Variants in GPHN observed in about 807,000 individuals in gnomAD.
GPHN encodes gephyrin.
GPHN carries 17 observed loss-of-function variants against 95.5 expected under a neutral mutation model. The ratio of observed to expected loss-of-function variants is 0.18; its 90% CI spans 0.12 to 0.27. GPHN has a LOEUF of 0.27. Among genes scored for constraint, GPHN ranks in the 10% least tolerant of loss-of-function variants. The probability of loss-of-function intolerance (pLI) is 1.00; values close to 1 mark genes in which losing one functional copy is unlikely to be tolerated. For synonymous variants in GPHN, 320 were observed against 322.5 expected, an observed-to-expected ratio of 0.99 and a Z score of 0.08; for missense variants, 660 against 978.1, an observed-to-expected ratio of 0.67 and a Z score of 4.34.
chr14:66,938,743 T>G, intron 8 of GPHN, among the ~76,000 whole-genome samples: 1 of 152,200 alleles, frequency 6.6e-6, no homozygotes, highest in East Asian at 1.9e-4. Flanking sequence ...AGCATAATCT[T>G]CAGGTAAACA....
intron 10 of GPHN, among the ~76,000 whole-genome samples, chr14:67,055,513 A>G (rs1490985227): frequency 6.6e-6 from 1 of 152,244 alleles, no homozygotes; most frequent in Admixed American, 6.5e-5. Context: ...AAAGACCTAG[A>G]ACTAGATATA....
chr14:67,492,554 C>T, the GPHN span, among the ~76,000 whole-genome samples: 10 of 152,312 alleles, frequency 6.6e-5, no homozygotes, highest in African/African-American at 2.2e-4. Flanking sequence ...TACCCTGCCA[C>T]GCTGCACCTT....
At chr14:66,924,866 T>TG (rs2066403338) in intron 8 of GPHN, among the ~76,000 whole-genome samples, 1 of 151,872 alleles carries the variant, frequency 6.6e-6, no homozygotes, top group Non-Finnish European at 1.5e-5. Flanking sequence ...AATGATAGCT[T>TG]GCAAAAAAAT....
At chr14:66,730,537 A>AC (rs2071671037) in intron 2 of GPHN, among the ~76,000 whole-genome samples, 1 of 152,196 alleles carries the variant, frequency 6.6e-6, no homozygotes, top group Admixed American at 6.5e-5. Flanking sequence ...ATAGACAAAA[A>AC]AGTTAATATG....
At chr14:67,519,897 A>AT in the GPHN span, among the ~76,000 whole-genome samples, 82 of 151,076 alleles carry the variant, frequency 5.4e-4, no homozygotes, top group African/African-American at 2.0e-3. Context: ...TAATTCTTTT[A>AT]TTTTTTGTAG....
the GPHN span, among the ~76,000 whole-genome samples, chr14:67,353,223 G>A: frequency 3.3e-5 from 5 of 152,220 alleles, no homozygotes; most frequent in Non-Finnish European, 7.3e-5. Flanking sequence ...TAATCTTCAT[G>A]TGTTGGAAAC....
chr14:67,419,371 T>G, the GPHN span, among the ~76,000 whole-genome samples: 1 of 152,094 alleles, frequency 6.6e-6, no homozygotes. Context: ...TGGCTGGTCA[T>G]CAAAATCACC....
intron 12 of GPHN, among the ~76,000 whole-genome samples, chr14:67,091,384 C>CT (rs142046051): frequency 1.2e-3 from 185 of 148,544 alleles, no homozygotes; most frequent in East Asian, 0.012. Context: ...CTTCTAGTTT[C>CT]TTTTTTTTTT....
chr14:67,296,213 C>T, the GPHN span, among the ~76,000 whole-genome samples: 8 of 152,212 alleles, frequency 5.3e-5, no homozygotes, highest in African/African-American at 1.4e-4. Flanking sequence ...GAGGAAAAGG[C>T]ATTCCATGCT....
At chr14:67,483,100 G>A in the GPHN span, among the ~76,000 whole-genome samples, 4 of 151,850 alleles carry the variant, frequency 2.6e-5, no homozygotes, top group East Asian at 1.9e-4. Context: ...AACCTCTGTC[G>A]CCCGGGTTCA....
the GPHN span, among the ~76,000 whole-genome samples, chr14:67,450,190 C>T: frequency 0.02 from 3,003 of 151,934 alleles, 178 homozygotes; most frequent in South Asian, 0.12. Context: ...GTGAGGCGTT[C>T]CCAGCCATAT....
intron 9 of GPHN, among the ~76,000 whole-genome samples, chr14:66,987,172 T>A (rs2153601372): frequency 1.3e-5 from 2 of 152,290 alleles, no homozygotes; most frequent in Middle Eastern, 6.8e-3. Flanking sequence ...GTAGCATTCC[T>A]CACTGTCTAT....
chr14:67,653,561 C>T, the GPHN span: 2 of 1,447,694 alleles, frequency 1.4e-6, no homozygotes. Flanking sequence ...AATTGAATAT[C>T]CCTAGATTAA....
At chr14:66,714,113 G>T (rs1274743617) in intron 2 of GPHN, among the ~76,000 whole-genome samples, 1 of 152,144 alleles carries the variant, frequency 6.6e-6, no homozygotes, top group Admixed American at 6.5e-5. Context: ...ATCCACGAGT[G>T]TGGGATGTAT....
the GPHN span, chr14:67,590,249 A>T: frequency 1.7e-4 from 127 of 733,244 alleles, no homozygotes; most frequent in East Asian, 4.1e-4. Flanking sequence ...CCACTTGCAA[A>T]TTTTTTTTTT....
intron 8 of GPHN, among the ~76,000 whole-genome samples, chr14:66,926,980 A>G (rs376321254): frequency 4.5e-4 from 69 of 152,136 alleles, no homozygotes; most frequent in African/African-American, 1.2e-3. Context: ...ATTTATTCCT[A>G]TGTGTTTTCT....
chr14:66,799,124 C>T (rs975724914), intron 3 of GPHN, among the ~76,000 whole-genome samples: 25 of 151,516 alleles, frequency 1.6e-4, no homozygotes, highest in Admixed American at 1.3e-3. Context: ...GTATAGTTTC[C>T]AAAATTCCTC....
the GPHN span, among the ~76,000 whole-genome samples, chr14:67,367,162 C>G: frequency 0.012 from 1,827 of 152,346 alleles, 18 homozygotes; most frequent in Non-Finnish European, 0.018. Context: ...ATTTCAGTTG[C>G]TTACCATCTG....
chr14:67,199,189 A>C, the GPHN span: 1 of 1,606,114 alleles, frequency 6.2e-7, no homozygotes, highest in Non-Finnish European at 8.5e-7. Context: ...GTCAACACCC[A>C]CATGCCAAAG....
Sources: allele counts gnomAD v4.1 joint callset (sites outside exome capture counted in the v4.1 genomes callset), GRCh38; gene constraint gnomAD v4.1.1; transcripts MANE v1.5; gene names NCBI Gene and HGNC (gene_info 2026-07-23, HGNC 2026-07-21).